SMARCA4: variants seen among roughly 807,000 people sequenced by gnomAD.
SMARCA4 encodes the protein SWI/SNF related BAF chromatin remodeling complex subunit ATPase 4, also known as SWI/SNF-related matrix-associated actin-dependent regulator of chromatin subfamily A member 4.
Under a neutral mutation model 193.9 loss-of-function variants are expected in SMARCA4, and 31 were observed. The ratio of observed to expected loss-of-function variants is 0.16; its 90% confidence interval spans 0.12 to 0.22. The LOEUF (loss-of-function observed/expected upper bound fraction) is 0.22. Among genes scored for constraint, SMARCA4 ranks in the 10% least tolerant of loss-of-function variants. SMARCA4 has a pLI of 1.00. For synonymous variants in SMARCA4, 942 were observed against 933.1 expected, an observed-to-expected ratio of 1.01 and a Z score of -0.17; for missense variants, 1,148 against 2,296.0, an observed-to-expected ratio of 0.50 and a Z score of 10.22.
At chr19:11,025,633 A>C in intron 22 of SMARCA4, 125 bp downstream of exon 22, 1 of 743,614 alleles carries the variant, frequency 1.3e-6, no homozygotes, top group Non-Finnish European at 2.4e-6. Flanking sequence ...ATGCCTGTAC[A>C]TCTGTCTCTC....
Position 10,987,590 on chromosome 19 carries a change from T to C in SMARCA4, c.860-76T>C. On this transcript the variant is annotated intron_variant, in intron 5 of 34. Coordinates refer to ENST00000344626, the MANE Select transcript of SMARCA4 (RefSeq NM_003072.5). The surrounding 1 kb of genome is among the most constrained non-coding windows in gnomAD (Gnocchi z 5.3). ...GCCTGTCCCCAGTGCCTCAAGCAGC[T>C]CAGCAGCTTTCCATTTCCAGCCCGG... The C allele has an allele frequency of 1.3e-6, 2 of 1,563,528 alleles. No homozygotes were observed. The highest frequency in any genetic ancestry group is 1.8e-6 in the Non-Finnish European group (2 of 1,136,052).
chr19:10,978,921 C>CCA, intron 1 of SMARCA4, among the ~76,000 whole-genome samples: 1 of 152,112 alleles, frequency 6.6e-6, no homozygotes, highest in Admixed American at 6.6e-5. Context: ...TGCACTCCAG[C>CCA]TTGGGTGATG....
At chr19:10,989,573 C>A in intron 7 of SMARCA4, 130 bp downstream of exon 7, 2 of 1,001,054 alleles carry the variant, frequency 2.0e-6, no homozygotes, top group Non-Finnish European at 1.5e-6. Context: ...CGTGGCCATC[C>A]ATGGGCACTC....
At chr19:11,029,565 C>T (rs1316111733) in intron 24 of SMARCA4, among the ~76,000 whole-genome samples, 1 of 152,244 alleles carries the variant, frequency 6.6e-6, no homozygotes, top group African/African-American at 2.4e-5. Flanking sequence ...AGCAGGGGCA[C>T]ATCTGGTGCC....
rs1490315790 is a variant in SMARCA4, at chr19:11,019,567, C to T, written c.2506-24C>T. 14 of 1,547,532 alleles carry T rather than the reference C, an allele frequency of 9.0e-6. No individual in the cohort carries two copies. The highest frequency in any genetic ancestry group is 1.2e-5 in the Non-Finnish European group (14 of 1,126,796). ...TGGCCACCCGGCTCCAAAAGCCGAGCTGTGCATCCTGCTTCCCTTGCAGGG... is the reference window on the plus strand; with the variant it reads ...TGGCCACCCGGCTCCAAAAGCCGAGTTGTGCATCCTGCTTCCCTTGCAGGG... On this transcript the variant is annotated intron_variant, in intron 17 of 34. Coordinates refer to ENST00000344626, the MANE Select transcript of SMARCA4 (RefSeq NM_003072.5). The surrounding 1 kb of genome is among the most constrained non-coding windows in gnomAD (Gnocchi z 6.1).
chr19:10,973,731 G>A (rs961714162), intron 1 of SMARCA4, among the ~76,000 whole-genome samples: 6 of 151,734 alleles, frequency 4.0e-5, no homozygotes, highest in Middle Eastern at 3.2e-3. Context: ...CACCACGCCC[G>A]GCTAATTTTT....
rs1308521728 is a variant in SMARCA4 at position 11,062,034 on chromosome 19, TAAAGAG to T, written c.*220_*225del. On this transcript the variant is annotated 3_prime_UTR_variant, in exon 35 of 35. Coordinates refer to ENST00000344626, the MANE Select transcript of SMARCA4 (RefSeq NM_003072.5). Reference sequence around the variant, plus strand: ...GCATCTGTAACAGCATTAACTGTCTTAAAGAGAGAGAGAGAGAATTCCGAATTGGGG... The same window carrying T: ...GCATCTGTAACAGCATTAACTGTCTTAGAGAGAGAGAATTCCGAATTGGGG... 6.3e-5 allele frequency: 38 copies of T among 600,432 alleles called. No homozygotes were observed. Among genetic ancestry groups the T allele is most frequent in the Non-Finnish European group, 8.4e-5 (28 of 333,748 alleles). The allele number at this position is 600,432 out of a possible 1,614,324, so 37.2% of individuals were successfully genotyped here.
intron 34 of SMARCA4, among the ~76,000 whole-genome samples, chr19:11,061,045 A>G (rs1009703716): frequency 2.6e-5 from 4 of 151,918 alleles, no homozygotes; most frequent in African/African-American, 9.7e-5. Context: ...TTATGAGGCC[A>G]GGTCCAGTGG....
chr19:10,995,312 C>G, intron 9 of SMARCA4: 1 of 552,774 alleles, frequency 1.8e-6, no homozygotes, highest in African/African-American at 1.9e-5. Context: ...ACCCCCGACC[C>G]CTAGCATAAA....
chr19:10,972,087 G>C (rs188823812), intron 1 of SMARCA4, among the ~76,000 whole-genome samples: 2 of 151,880 alleles, frequency 1.3e-5, no homozygotes, highest in Non-Finnish European at 2.9e-5. Flanking sequence ...CCCACACCGA[G>C]TAGCTGGGAT....
rs563959389 is a variant in SMARCA4, at chr19:10,996,145, C to T, written c.1594-68C>T. ...TGCCCTCAGTGCGCTTCTGGATTGA[C>T]TGGCCATGGGTGCTCACAGACATGC... On this transcript the variant is annotated intron_variant, in intron 9 of 34. Transcript: ENST00000344626. 1.9e-6 allele frequency: 3 copies of T among 1,552,166 alleles called. No individual in the cohort carries two copies. In the South Asian group the frequency reaches 3.4e-5, roughly 17 times the overall value.
In SMARCA4 at chr19:10,969,182, C is replaced by T. The variant is rs112673631; in HGVS notation, c.-32+8008C>T. ...TCTACCTCAAGAACCAGGGGCTGAA[C>T]CCCGGCCCTGCCTGTCTTTGCCAAG... On this transcript the variant is annotated intron_variant, in intron 1 of 34. Transcript: ENST00000344626. Among the ~76,000 whole-genome samples the T allele has an allele frequency of 1.4e-3, 210 of 152,338 alleles. 1 individual carries two copies. Among genetic ancestry groups the T allele is most frequent in the African/African-American group, 4.8e-3 (199 of 41,576 alleles).
Position 10,986,141 on chromosome 19 carries a change from C to CA in SMARCA4, c.356-47dup. ...TGTAGGGGGAAGAGGCTGTAAAAATCACAGACATATGCTGCCGAGTGACCA... is the reference window on the plus strand; with the variant it reads ...TGTAGGGGGAAGAGGCTGTAAAAATCAACAGACATATGCTGCCGAGTGACCA... On this transcript the variant is annotated intron_variant, in intron 3 of 34. Coordinates refer to ENST00000344626, the MANE Select transcript of SMARCA4 (RefSeq NM_003072.5). This position sits in a 1 kb window ranked among gnomAD's most constrained non-coding sequence, Gnocchi z 6.7. 6.7e-7 allele frequency: 1 copy of CA among 1,494,000 alleles called. No homozygotes were observed. The highest frequency in any genetic ancestry group is 9.3e-7 in the Non-Finnish European group (1 of 1,071,206). 92.5% of individuals were successfully genotyped at this position (1,494,000 alleles called of 1,614,324 possible).
Position 10,984,306 on chromosome 19 carries a change from C to A in SMARCA4, c.155C>A (p.Ala52Glu), listed in dbSNP as rs2145724951. 6.2e-7 allele frequency: 1 copy of A among 1,606,942 alleles called. No homozygotes were observed. Among genetic ancestry groups the A allele is most frequent in the Non-Finnish European group, 8.5e-7 (1 of 1,177,122 alleles). ...GGGCCCAGCCCAGGGCCGCCCTCAG[C>A]AGGACACCCCATCCCCACCCAGGGG... The part of the protein sequence containing the change: ...MMGPSPGPPS[A>E]GHPIPTQGPG... Residue 52 changes from alanine (A) to glutamate (E), a missense_variant, in exon 2 of 35, where the codon GCA becomes GAA. Physicochemically the swap from Ala to Glu is moderately radical, Grantham distance 107. Coordinates refer to ENST00000344626, the MANE Select transcript of SMARCA4 (RefSeq NM_003072.5). This position sits in a 1 kb window ranked among gnomAD's most constrained non-coding sequence, Gnocchi z 4.3.
chr19:10,993,512 G>A (rs1288186138), intron 8 of SMARCA4, among the ~76,000 whole-genome samples: 1 of 152,182 alleles, frequency 6.6e-6, no homozygotes, highest in African/African-American at 2.4e-5. Flanking sequence ...TTGTAGTAAT[G>A]GAATAAGTTG....
chr19:11,004,744 T>TTA (rs2088019062), intron 13 of SMARCA4, among the ~76,000 whole-genome samples: 1 of 152,244 alleles, frequency 6.6e-6, no homozygotes, highest in African/African-American at 2.4e-5. Context: ...ATGATTGGGC[T>TTA]TACATTTGCT....
At chr19:10,983,199 C>T (rs774245522) in intron 1 of SMARCA4, among the ~76,000 whole-genome samples, 4 of 152,132 alleles carry the variant, frequency 2.6e-5, no homozygotes, top group Non-Finnish European at 5.9e-5. Flanking sequence ...TCCCATTTGT[C>T]TCTGGGTGGT....
At position 10,989,581 on chromosome 19, in the gene SMARCA4, C is replaced by T. The variant is rs975823652; in HGVS notation, c.1245+138C>T. ...AAGCAGCCGTGGCCATCCATGGGCA[C>T]TCAATCACTGCAGAGCCTTCCTCTT... is the stretch of plus-strand genomic sequence containing the variant. On this transcript the variant is annotated intron_variant, in intron 7 of 34. Coordinates refer to ENST00000344626, the MANE Select transcript of SMARCA4 (RefSeq NM_003072.5). 3.2e-5 allele frequency: 30 copies of T among 941,392 alleles called. No individual in the cohort carries two copies. In the Admixed American group the frequency reaches 5.8e-4, roughly 18 times the overall value. 58.3% of individuals were successfully genotyped at this position (941,392 alleles called of 1,614,324 possible).
chr19:11,053,788 G>A (rs910076365), intron 30 of SMARCA4, among the ~76,000 whole-genome samples: 3 of 152,138 alleles, frequency 2.0e-5, no homozygotes, highest in East Asian at 3.9e-4. Flanking sequence ...GCGTGTGCCT[G>A]TAGTCCTAGC....
Sources: allele counts gnomAD v4.1 joint callset (sites outside exome capture counted in the v4.1 genomes callset), GRCh38; gene constraint gnomAD v4.1.1; non-coding constraint Gnocchi (gnomAD v3.1); transcripts MANE v1.5; gene names NCBI Gene and HGNC (gene_info 2026-07-23, HGNC 2026-07-21).